SH3KBP1: variants seen among roughly 807,000 people sequenced by gnomAD.
SH3KBP1 encodes SH3 domain-containing kinase-binding protein 1.
In SH3KBP1, 8 loss-of-function variants were observed where a neutral mutation model predicts 50.1. That is an observed-to-expected ratio of 0.16 (90% CI 0.09 to 0.29). SH3KBP1 has a LOEUF of 0.29. Among genes scored for constraint, SH3KBP1 ranks in the 10% least tolerant of loss-of-function variants. The pLI is 1.00. For missense variants in SH3KBP1, 377 were observed against 535.2 expected (o/e 0.70, Z 2.92); for synonymous variants, 227 against 218.6 (o/e 1.04, Z -0.34).
chrX:19,693,211 T>C (rs2063339976), intron 5 of SH3KBP1, among the ~76,000 whole-genome samples: 1 of 111,626 alleles, frequency 9.0e-6, no homozygotes, highest in Admixed American at 9.5e-5. Flanking sequence ...CTTTCTGCAG[T>C]GTGAGCTTAC....
At chrX:19,720,632 A>T (rs1242616977) in intron 3 of SH3KBP1, among the ~76,000 whole-genome samples, 2 of 111,998 alleles carry the variant, frequency 1.8e-5, no homozygotes, top group Non-Finnish European at 3.8e-5. Context: ...TCCCTCTAAC[A>T]TATCTATTTT....
At chrX:19,732,331 T>G (rs2064405151) in intron 3 of SH3KBP1, among the ~76,000 whole-genome samples, 1 of 110,571 alleles carries the variant, frequency 9.0e-6, no homozygotes, top group Admixed American at 9.7e-5. Context: ...TAATCATCCC[T>G]CAGTATTCCC....
At chrX:19,770,376 T>C (rs1167921622) in intron 2 of SH3KBP1, among the ~76,000 whole-genome samples, 4 of 112,410 alleles carry the variant, frequency 3.6e-5, no homozygotes, top group Non-Finnish European at 7.5e-5. Flanking sequence ...ATGATCTCAT[T>C]CTTTTTTATG....
At position 19,872,833 on chromosome X, in the gene SH3KBP1, T is replaced by TCTCTCA. The variant is rs1211110008; in HGVS notation, c.4+14473_4+14474insTGAGAG. On this transcript the variant is annotated intron_variant, in intron 1 of 17. Coordinates refer to ENST00000397821, the MANE Select transcript of SH3KBP1 (RefSeq NM_031892.3). Reference sequence around the variant, plus strand: ...TCTCTTCTCTCTCTCTCTCTCTCTCTCACACACACACACACACACACACAC... The same window carrying TCTCTCA: ...TCTCTTCTCTCTCTCTCTCTCTCTCTCTCTCACACACACACACACACACACACACAC... Among the ~76,000 whole-genome samples, 581 of 96,490 alleles carry TCTCTCA rather than the reference T, an allele frequency of 6.0e-3. 8 individuals are homozygous for TCTCTCA. Among genetic ancestry groups the TCTCTCA allele is most frequent in the African/African-American group, 0.021 (552 of 25,999 alleles). 83.8% of individuals were successfully genotyped at this position (96,490 alleles called of 115,157 possible).
intron 3 of SH3KBP1, among the ~76,000 whole-genome samples, chrX:19,738,099 G>C (rs1321244268): frequency 9.0e-6 from 1 of 111,540 alleles, no homozygotes; most frequent in Non-Finnish European, 1.9e-5. Flanking sequence ...TCCCAAAGTG[G>C]AGTCTTAACT....
chrX:19,857,354 C>A (rs1451856792), intron 1 of SH3KBP1, among the ~76,000 whole-genome samples: 1 of 110,453 alleles, frequency 9.1e-6, no homozygotes, highest in East Asian at 2.8e-4. Flanking sequence ...AGTTAGACAG[C>A]AAACATGGTA....
At chrX:19,599,407 G>C (rs2067009056) in intron 9 of SH3KBP1, among the ~76,000 whole-genome samples, 1 of 112,526 alleles carries the variant, frequency 8.9e-6, no homozygotes, top group African/African-American at 3.2e-5. Context: ...TGCACTAACA[G>C]ACAGTGTATG....
At chrX:19,545,804 G>T in intron 15 of SH3KBP1, 118 bp downstream of exon 15, 1 of 824,038 alleles carries the variant, frequency 1.2e-6, no homozygotes, top group Non-Finnish European at 1.8e-6. Context: ...TAACAGAATC[G>T]CTGTCACTGA....
In SH3KBP1 at chrX:19,764,871, C is replaced by A. The variant is rs770915947; in HGVS notation, c.163-18430G>T. Among the ~76,000 whole-genome samples, 148 of 104,315 alleles carry A rather than the reference C, an allele frequency of 1.4e-3. 1 individual carries two copies. The highest frequency in any genetic ancestry group is 5.0e-3 in the African/African-American group (142 of 28,316). 90.6% of individuals were successfully genotyped at this position (104,315 alleles called of 115,157 possible). ...GTTGCCAGGCTGGAGTGCAGTGGTG[C>A]GATCTTGGCTCACAGCAACCTCTGC... On this transcript the variant is annotated intron_variant, in intron 2 of 17. Transcript: ENST00000397821.
At chrX:19,788,874 C>A (rs2066445245) in intron 2 of SH3KBP1, among the ~76,000 whole-genome samples, 1 of 111,713 alleles carries the variant, frequency 9.0e-6, no homozygotes, top group Non-Finnish European at 1.9e-5. Context: ...GCCTGTAATC[C>A]CAGCACTTTG....
intron 2 of SH3KBP1, among the ~76,000 whole-genome samples, chrX:19,791,280 C>G (rs1268582253): frequency 9.0e-6 from 1 of 111,234 alleles, no homozygotes; most frequent in Non-Finnish European, 1.9e-5. Flanking sequence ...AGGACATAAA[C>G]TCTTAACCCA....
intron 6 of SH3KBP1, among the ~76,000 whole-genome samples, chrX:19,656,069 T>C (rs768504369): frequency 9.0e-6 from 1 of 111,329 alleles, no homozygotes; most frequent in Non-Finnish European, 1.9e-5. Flanking sequence ...GGCAGGTATG[T>C]GTGCAGGGAA....
At chrX:19,831,430 G>A (rs867213115) in intron 2 of SH3KBP1, among the ~76,000 whole-genome samples, 8,379 of 93,044 alleles carry the variant, frequency 0.09, 1,202 homozygotes, top group African/African-American at 0.33. Context: ...AAAAAAAAAA[G>A]AAAAGAAAAT....
chrX:19,629,365 T>C (rs2061527278), intron 8 of SH3KBP1, among the ~76,000 whole-genome samples: 1 of 110,438 alleles, frequency 9.1e-6, no homozygotes, highest in Admixed American at 9.6e-5. Context: ...TTTTGATTGG[T>C]GCAGAAGGGT....
At chrX:19,783,837 T>C (rs1157629527) in intron 2 of SH3KBP1, among the ~76,000 whole-genome samples, 1 of 112,116 alleles carries the variant, frequency 8.9e-6, no homozygotes, top group Non-Finnish European at 1.9e-5. Context: ...AAATAAACCA[T>C]ATCCTTAACT....
chrX:19,692,673 GTATA>G (rs1235922665), intron 5 of SH3KBP1, among the ~76,000 whole-genome samples: 2 of 76,661 alleles, frequency 2.6e-5, no homozygotes, highest in African/African-American at 5.5e-5. Context: ...GTGTGTGTAT[GTATA>G]TATATATATA....
chrX:19,602,672 AAC>A (rs1297801927), intron 9 of SH3KBP1, among the ~76,000 whole-genome samples: 2 of 112,573 alleles, frequency 1.8e-5, no homozygotes, highest in African/African-American at 3.2e-5. Flanking sequence ...CTAGAAAAAC[AAC>A]AGTTCTTGTT....
At chrX:19,731,362 C>G (rs1339418479) in intron 3 of SH3KBP1, among the ~76,000 whole-genome samples, 1 of 112,434 alleles carries the variant, frequency 8.9e-6, no homozygotes, top group Non-Finnish European at 1.9e-5. Flanking sequence ...GCATGTTACA[C>G]AAGTGAATGT....
At chrX:19,776,012 G>A (rs1450276605) in intron 2 of SH3KBP1, among the ~76,000 whole-genome samples, 2 of 111,172 alleles carry the variant, frequency 1.8e-5, no homozygotes, top group East Asian at 5.6e-4. Flanking sequence ...TGTCCGCAGG[G>A]AGCTCGCCTG....
Sources: gnomAD v4.1 joint callset for allele counts (sites outside exome capture counted in the v4.1 genomes callset) on GRCh38, gnomAD v4.1.1 for gene constraint, MANE v1.5 for transcripts, NCBI Gene and HGNC (gene_info 2026-07-23, HGNC 2026-07-21) for gene names.